Variants in RNF24 observed in about 807,000 individuals in gnomAD.
RNF24 encodes ring finger protein 24.
RNF24 carries 14 observed loss-of-function variants against 20.0 expected under a neutral mutation model. That is an observed-to-expected ratio of 0.70 (90% CI 0.46 to 1.10). The LOEUF (loss-of-function observed/expected upper bound fraction) is 1.10. RNF24 is among the 50% of genes least tolerant of loss of function. RNF24 has a pLI of 0.00. For missense variants in RNF24, 124 were observed against 177.6 expected (o/e 0.70, Z 1.71); for synonymous variants, 45 against 61.1 (o/e 0.74, Z 1.23).
intron 1 of RNF24, among the ~76,000 whole-genome samples, chr20:4,014,972 G>A (rs1568679981): frequency 6.6e-6 from 1 of 152,196 alleles, no homozygotes; most frequent in East Asian, 1.9e-4. Context: ...GAGTGGACGG[G>A]GACCAGGAAA....
chr20:4,012,426 AAAC>A (rs1982537139), intron 1 of RNF24, among the ~76,000 whole-genome samples: 1 of 150,684 alleles, frequency 6.6e-6, no homozygotes. Flanking sequence ...CAAAAAAAAA[AAAC>A]AACAAAACAC....
chr20:3,981,484 T>C (rs931767826), intron 1 of RNF24, among the ~76,000 whole-genome samples: 35 of 152,012 alleles, frequency 2.3e-4, no homozygotes, highest in African/African-American at 8.5e-4. Flanking sequence ...TGTCTTAAAG[T>C]TCTACCTTTT....
chr20:3,995,263 G>C (rs1980768671), intron 1 of RNF24, among the ~76,000 whole-genome samples: 2 of 152,252 alleles, frequency 1.3e-5, no homozygotes, highest in Admixed American at 1.3e-4. Context: ...TTTGTTCTCT[G>C]GTGTGAGGCT....
chr20:3,936,315 T>G (rs1356608046), intron 4 of RNF24, among the ~76,000 whole-genome samples: 3 of 152,152 alleles, frequency 2.0e-5, no homozygotes, highest in Non-Finnish European at 2.9e-5. Flanking sequence ...ACACTAGCTG[T>G]GTGGCCTCTG....
chr20:3,972,425 C>T (rs1978427112), intron 1 of RNF24, among the ~76,000 whole-genome samples: 1 of 152,166 alleles, frequency 6.6e-6, no homozygotes, highest in African/African-American at 2.4e-5. Context: ...AACAACCTTT[C>T]AAAAATCGAA....
intron 3 of RNF24, 46 bp downstream of exon 3, chr20:3,948,191 T>C: frequency 1.4e-6 from 2 of 1,422,098 alleles, no homozygotes; most frequent in South Asian, 2.5e-5. Context: ...CTCAGTTTTT[T>C]GGGGGGAAAA....
intron 1 of RNF24, among the ~76,000 whole-genome samples, chr20:3,973,258 G>C (rs966912045): frequency 6.6e-6 from 1 of 151,650 alleles, no homozygotes; most frequent in African/African-American, 2.4e-5. Context: ...GAGAGACATA[G>C]GTAAAGTAGT....
intron 1 of RNF24, among the ~76,000 whole-genome samples, chr20:3,973,726 C>G (rs1019146867): frequency 1.3e-5 from 2 of 152,132 alleles, no homozygotes; most frequent in Non-Finnish European, 2.9e-5. Flanking sequence ...AGTTTTATAA[C>G]TATCAAAGAA....
intron 1 of RNF24, among the ~76,000 whole-genome samples, chr20:3,976,522 T>C (rs1427736044): frequency 2.0e-5 from 3 of 152,212 alleles, no homozygotes; most frequent in Non-Finnish European, 4.4e-5. Context: ...GTTGCACTCC[T>C]GGGCATTTAT....
At chr20:3,959,590 C>T (rs1344015762) in intron 2 of RNF24, among the ~76,000 whole-genome samples, 2 of 152,312 alleles carry the variant, frequency 1.3e-5, no homozygotes, top group African/African-American at 4.8e-5. Context: ...CATCACCCCT[C>T]TATTTTTTGT....
chr20:3,956,840 T>C (rs1311076198), intron 2 of RNF24, among the ~76,000 whole-genome samples: 1 of 152,214 alleles, frequency 6.6e-6, no homozygotes, highest in Admixed American at 6.5e-5. Context: ...AATACCATTT[T>C]CACATAAAGA....
chr20:3,995,679 C>G (rs1209126266), intron 1 of RNF24, among the ~76,000 whole-genome samples: 1 of 152,098 alleles, frequency 6.6e-6, no homozygotes, highest in Non-Finnish European at 1.5e-5. Flanking sequence ...GGAAGTCTCC[C>G]CTTTGTTTAC....
At chr20:3,962,419 G>A (rs1341193339) in intron 2 of RNF24, among the ~76,000 whole-genome samples, 1 of 152,072 alleles carries the variant, frequency 6.6e-6, no homozygotes, top group African/African-American at 2.4e-5. Context: ...TGTTTACGAT[G>A]CAACAAAAAG....
intron 4 of RNF24, among the ~76,000 whole-genome samples, chr20:3,939,872 C>T (rs241621): frequency 0.32 from 48,312 of 151,970 alleles, 8,339 homozygotes; most frequent in African/African-American, 0.46. Context: ...ATCTTTTCAA[C>T]GTTTTATAGT....
chr20:3,999,208 T>A lies in RNF24; in HGVS notation c.-8+16229A>T, dbSNP rs902925092. ...AGAGAACAGCAAATAAAAGTGAGAG[T>A]GTTGCAACAGTTTTAGTTACAACAG... On this transcript the variant is annotated intron_variant, in intron 1 of 5. Coordinates refer to ENST00000358395, the MANE Select transcript of RNF24 (RefSeq NM_001134337.3). 2.0e-5 allele frequency among the ~76,000 whole-genome samples: 3 copies of A among 152,186 alleles called. No homozygotes were observed. The South Asian group carries it at 6.2e-4, about 32-fold the overall frequency.
intron 1 of RNF24, among the ~76,000 whole-genome samples, chr20:3,988,362 G>T (rs1980115096): frequency 6.6e-6 from 1 of 151,356 alleles, no homozygotes; most frequent in African/African-American, 2.4e-5. Context: ...AAAAAAAATT[G>T]GTGTGTCCAG....
Position 3,966,467 on chromosome 20 carries a change from TTAGTG to T in RNF24, c.-7-2448_-7-2444del, listed in dbSNP as rs1175584800. On this transcript the variant is annotated intron_variant, in intron 1 of 5. Coordinates refer to ENST00000358395, the MANE Select transcript of RNF24 (RefSeq NM_001134337.3). ...CAAAGAGGACAAAACTATTAAGGCT[TTAGTG>T]TGTGTGTGTGTGTGTGTGTGTGTGT... 2.2e-5 allele frequency among the ~76,000 whole-genome samples: 3 copies of T among 137,668 alleles called. No individual in the cohort carries two copies. The Admixed American group carries it at 2.4e-4, about 11-fold the overall frequency. The allele number at this position is 137,668 out of a possible 152,430, so 90.3% of individuals were successfully genotyped here.
chr20:3,999,825 T>A (rs1408356719), intron 1 of RNF24, among the ~76,000 whole-genome samples: 1 of 152,168 alleles, frequency 6.6e-6, no homozygotes, highest in Non-Finnish European at 1.5e-5. Context: ...GATAAGTCAG[T>A]ATATCTCTAA....
Position 3,952,805 on chromosome 20 carries a change from A to G in RNF24, c.144-4526T>C, listed in dbSNP as rs1480735326. On this transcript the variant is annotated intron_variant, in intron 2 of 5. Transcript: ENST00000358395. The stretch of plus-strand genomic sequence containing the variant: ...TATCAATGCTTTATGATATTATACT[A>G]TTAATGTGCTATATTGTATTGATTG... Among the ~76,000 whole-genome samples the G allele has an allele frequency of 2.6e-5, 4 of 152,196 alleles. No individual in the cohort carries two copies. The South Asian group carries it at 8.3e-4, about 31-fold the overall frequency.
Sources: gnomAD v4.1 joint callset for allele counts (sites outside exome capture counted in the v4.1 genomes callset) on GRCh38, gnomAD v4.1.1 for gene constraint, MANE v1.5 for transcripts, NCBI Gene and HGNC (gene_info 2026-07-23, HGNC 2026-07-21) for gene names.